DLG2: variants seen among roughly 807,000 people sequenced by gnomAD.
The protein encoded by DLG2 is discs large MAGUK scaffold protein 2, also known as disks large homolog 2.
In DLG2, 45 loss-of-function variants were observed where a neutral mutation model predicts 132.5. That is an observed-to-expected ratio of 0.34 (90% confidence interval 0.27 to 0.44). The LOEUF is 0.44. Among genes scored for constraint, DLG2 ranks in the 20% least tolerant of loss-of-function variants. DLG2 has a pLI of 1.00. For synonymous variants in DLG2, 424 were observed against 419.6 expected (o/e 1.01, Z -0.13); for missense variants, 1,045 against 1,196.9 (o/e 0.87, Z 1.87).
At chr11:85,129,216 G>A (rs903579263) in intron 5 of DLG2, among the ~76,000 whole-genome samples, 2 of 152,174 alleles carry the variant, frequency 1.3e-5, no homozygotes, top group Admixed American at 6.5e-5. Context: ...TGGGTTGCCT[G>A]AGCATTTGAC....
intron 6 of DLG2, among the ~76,000 whole-genome samples, chr11:84,614,242 G>A (rs1282738377): frequency 6.6e-6 from 1 of 152,158 alleles, no homozygotes; most frequent in Non-Finnish European, 1.5e-5. Context: ...TAAAATAATA[G>A]AGGCTGGGAA....
chr11:84,027,154 A>T (rs933337754), intron 11 of DLG2, among the ~76,000 whole-genome samples: 1 of 152,076 alleles, frequency 6.6e-6, no homozygotes, highest in African/African-American at 2.4e-5. Context: ...TATTGACCCC[A>T]AGGGCACAGG....
chr11:83,669,831 A>T (rs1229235102), intron 18 of DLG2, among the ~76,000 whole-genome samples: 1 of 152,244 alleles, frequency 6.6e-6, no homozygotes, highest in Non-Finnish European at 1.5e-5. Context: ...AATACTTTCT[A>T]GATAACTGAA....
chr11:84,872,837 T>C (rs2085688493), intron 6 of DLG2, among the ~76,000 whole-genome samples: 1 of 152,182 alleles, frequency 6.6e-6, no homozygotes, highest in Admixed American at 6.5e-5. Context: ...GGAAACTTAA[T>C]TAAAGACACT....
At chr11:84,071,287 T>C (rs2096752807) in intron 10 of DLG2, among the ~76,000 whole-genome samples, 1 of 152,016 alleles carries the variant, frequency 6.6e-6, no homozygotes, top group Non-Finnish European at 1.5e-5. Context: ...GTATTTCTTG[T>C]AGAGATGGGG....
intron 6 of DLG2, among the ~76,000 whole-genome samples, chr11:84,582,048 C>T (rs894399843): frequency 1.1e-4 from 17 of 151,518 alleles, no homozygotes; most frequent in South Asian, 4.2e-4. Flanking sequence ...TACTAGAAAG[C>T]GGCAGGACTA....
intron 3 of DLG2, among the ~76,000 whole-genome samples, chr11:85,435,585 C>G (rs2153021473): frequency 6.6e-6 from 1 of 152,166 alleles, no homozygotes; most frequent in East Asian, 1.9e-4. Flanking sequence ...GAATAAAATA[C>G]CCATCAATAC....
chr11:83,959,414 A>G lies in DLG2; in HGVS notation c.1340+3471T>C, dbSNP rs529466154. 7.2e-5 allele frequency among the ~76,000 whole-genome samples: 11 copies of G among 152,226 alleles called. No individual in the cohort carries two copies. The East Asian group carries it at 1.9e-3, about 27-fold the overall frequency. On this transcript the variant is annotated intron_variant, in intron 14 of 27. Coordinates refer to ENST00000376104, the MANE Select transcript of DLG2 (RefSeq NM_001142699.3). Reference sequence around the variant, plus strand: ...TTTTATAGGTTATGGGAAAGTTCCCATTTCACAGACATGTTTCCCTACTGG... The same window carrying G: ...TTTTATAGGTTATGGGAAAGTTCCCGTTTCACAGACATGTTTCCCTACTGG...
In DLG2 at chr11:85,111,755, A is replaced by G. The variant is rs759394365; in HGVS notation, c.283-20T>C. ...GTTTTGCTGCAAATAAGTAAAAATT[A>G]TATTATATTCTATTTATTATGGGCC... On this transcript the variant is annotated intron_variant, in intron 5 of 27. Transcript: ENST00000376104. 7.1e-5 allele frequency: 105 copies of G among 1,483,174 alleles called. 1 individual carries two copies. Among genetic ancestry groups the G allele is most frequent in the Non-Finnish European group, 8.2e-5 (89 of 1,088,682 alleles). The allele number at this position is 1,483,174 out of a possible 1,614,324, so 91.9% of individuals were successfully genotyped here.
At chr11:85,384,030 T>A (rs1306282528) in intron 3 of DLG2, among the ~76,000 whole-genome samples, 2 of 152,186 alleles carry the variant, frequency 1.3e-5, no homozygotes, top group East Asian at 3.9e-4. Context: ...AAGTAAACTG[T>A]CTCCTAGTTA....
In DLG2 at chr11:84,795,662, C is replaced by A. The variant is rs550272933; in HGVS notation, c.358-260931G>T. ...AACAGGGCTGAAACACATCCTTTGC[C>A]TGCCATGTTGTGGACAATGAGAAGA... On this transcript the variant is annotated intron_variant, in intron 6 of 27. Transcript: ENST00000376104. Among the ~76,000 whole-genome samples, 3 of 152,148 alleles carry A rather than the reference C, an allele frequency of 2.0e-5. No homozygotes were observed. In the South Asian group the frequency reaches 6.2e-4, roughly 31 times the overall value.
chr11:84,668,317 T>C (rs1450295151), intron 6 of DLG2, among the ~76,000 whole-genome samples: 2 of 152,154 alleles, frequency 1.3e-5, no homozygotes, highest in Non-Finnish European at 2.9e-5. Context: ...TTCTATCCCA[T>C]AGTGTGTTTG....
At chr11:84,606,638 T>C (rs1219307061) in intron 6 of DLG2, among the ~76,000 whole-genome samples, 2 of 152,126 alleles carry the variant, frequency 1.3e-5, no homozygotes, top group African/African-American at 4.8e-5. Context: ...CTAAATTCCT[T>C]TTGGACAGCT....
At chr11:84,255,508 G>A (rs1462598386) in intron 7 of DLG2, among the ~76,000 whole-genome samples, 3 of 152,028 alleles carry the variant, frequency 2.0e-5, no homozygotes, top group South Asian at 4.1e-4. Flanking sequence ...ATTTTTAGTA[G>A]AGATGCAGTT....
intron 6 of DLG2, among the ~76,000 whole-genome samples, chr11:85,029,401 G>C (rs1044541184): frequency 6.6e-6 from 1 of 152,190 alleles, no homozygotes; most frequent in African/African-American, 2.4e-5. Context: ...TGATTAGGAG[G>C]TACAACATGG....
intron 18 of DLG2, among the ~76,000 whole-genome samples, chr11:83,738,853 T>G (rs989342051): frequency 2.0e-5 from 3 of 152,118 alleles, no homozygotes; most frequent in Non-Finnish European, 4.4e-5. Flanking sequence ...CTTGCTTTAT[T>G]CCTATCCATC....
chr11:84,987,247 T>C (rs1293079726), intron 6 of DLG2, among the ~76,000 whole-genome samples: 1 of 152,084 alleles, frequency 6.6e-6, no homozygotes, highest in Non-Finnish European at 1.5e-5. Flanking sequence ...AAAACACTGC[T>C]GAAAGAAATC....
intron 6 of DLG2, among the ~76,000 whole-genome samples, chr11:84,699,211 G>A (rs2058943784): frequency 6.6e-6 from 1 of 151,522 alleles, no homozygotes; most frequent in African/African-American, 2.4e-5. Context: ...AAGAGTCAAA[G>A]AAACCTGGAT....
chr11:83,662,066 T>G (rs1035375819), intron 18 of DLG2, among the ~76,000 whole-genome samples: 1 of 152,074 alleles, frequency 6.6e-6, no homozygotes, highest in African/African-American at 2.4e-5. Context: ...AAATACCAAT[T>G]TTTTTGGTAA....
Sources: allele counts gnomAD v4.1 joint callset (sites outside exome capture counted in the v4.1 genomes callset), GRCh38; gene constraint gnomAD v4.1.1; transcripts MANE v1.5; gene names NCBI Gene and HGNC (gene_info 2026-07-23, HGNC 2026-07-21).